Variants in ZMYND8 observed in about 807,000 individuals in gnomAD.
ZMYND8 encodes the protein zinc finger MYND-type containing 8.
ZMYND8 carries 37 observed loss-of-function variants against 140.8 expected under a neutral mutation model. The observed-to-expected ratio is 0.26, with a 90% CI of 0.20 to 0.35. The LOEUF (loss-of-function observed/expected upper bound fraction) is 0.35, where lower values mean the gene tolerates loss of function less well. Among genes scored for constraint, ZMYND8 ranks in the 10% least tolerant of loss-of-function variants. The probability of loss-of-function intolerance (pLI) is 1.00; values close to 1 mark genes in which losing one functional copy is unlikely to be tolerated. For missense variants in ZMYND8, 1,068 were observed against 1,570.0 expected, an observed-to-expected ratio of 0.68 and a Z score of 5.40; for synonymous variants, 592 against 597.1, an observed-to-expected ratio of 0.99 and a Z score of 0.12.
chr20:47,352,067 T>A, intron 1 of ZMYND8: 2 of 934,792 alleles, frequency 2.1e-6, no homozygotes, highest in Non-Finnish European at 2.6e-6. Flanking sequence ...ATTAGGTGGG[T>A]AGAAGGTTAG....
chr20:47,350,085 A>C, intron 1 of ZMYND8: 1 of 1,362,162 alleles, frequency 7.3e-7, no homozygotes, highest in Non-Finnish European at 9.5e-7. Context: ...AGGGAAAAAA[A>C]AGTTAAGCTG....
chr20:47,322,634 C>T (rs1390256810), intron 2 of ZMYND8, among the ~76,000 whole-genome samples: 2 of 151,880 alleles, frequency 1.3e-5, no homozygotes, highest in African/African-American at 4.8e-5. Context: ...TGGTCTCGAT[C>T]TCCTGACCTC....
intron 5 of ZMYND8, among the ~76,000 whole-genome samples, chr20:47,293,422 G>A (rs2077429820): frequency 6.6e-6 from 1 of 152,140 alleles, no homozygotes; most frequent in Non-Finnish European, 1.5e-5. Flanking sequence ...CACAGGTGAG[G>A]CACCACTGTG....
chr20:47,351,968 T>A, intron 1 of ZMYND8: 1 of 985,436 alleles, frequency 1.0e-6, no homozygotes, highest in African/African-American at 1.7e-5. Flanking sequence ...GGAGAGTTTG[T>A]GAAGTCACAG....
chr20:47,333,601 C>T (rs992204195), intron 2 of ZMYND8, among the ~76,000 whole-genome samples: 1 of 152,070 alleles, frequency 6.6e-6, no homozygotes, highest in Admixed American at 6.6e-5. Context: ...TGGCACATGC[C>T]TGTAGTCCCA....
At chr20:47,333,074 C>T (rs1391338552) in intron 2 of ZMYND8, among the ~76,000 whole-genome samples, 2 of 152,116 alleles carry the variant, frequency 1.3e-5, no homozygotes, top group Admixed American at 1.3e-4. Context: ...AGGTCACACA[C>T]AGTGGCTCAT....
chr20:47,346,095 C>T (rs940493211), intron 2 of ZMYND8, among the ~76,000 whole-genome samples: 1 of 152,120 alleles, frequency 6.6e-6, no homozygotes, highest in Non-Finnish European at 1.5e-5. Context: ...TTCACAAATA[C>T]AAAAATGAAG....
At chr20:47,303,085 T>C (rs540941460) in intron 3 of ZMYND8, among the ~76,000 whole-genome samples, 10 of 152,170 alleles carry the variant, frequency 6.6e-5, no homozygotes, top group African/African-American at 2.2e-4. Context: ...GTCAAAACTG[T>C]CCCTAGCTGA....
chr20:47,354,203 T>TGG (rs1295367501), intron 1 of ZMYND8: 1 of 152,202 alleles, frequency 6.6e-6, no homozygotes, highest in South Asian at 2.1e-4. Context: ...GGGAACTTGC[T>TGG]GGGGGCTGTA....
In ZMYND8 at chr20:47,224,375, A is replaced by G. The variant is rs1046925405; in HGVS notation, c.3198T>C (p.Cys1066=). 5 of 1,614,240 alleles carry G rather than the reference A, an allele frequency of 3.1e-6. No homozygotes were observed. The highest frequency in any genetic ancestry group is 4.2e-6 in the Non-Finnish European group (5 of 1,180,052). Residue 1066 remains cysteine (C), a synonymous_variant, in exon 19 of 23, where the codon TGT becomes TGC. Coordinates refer to ENST00000471951, the MANE Select transcript of ZMYND8 (RefSeq NM_001281775.3). The part of the protein sequence containing the change: ...IFYCCWNTSY[C]DYPCQQAHWP... ...AGTGGGCTTGCTGGCAGGGGTAGTCACAGTAGCTGGTGTTCCAACAGCAGT... is the reference window on the plus strand; with the variant it reads ...AGTGGGCTTGCTGGCAGGGGTAGTCGCAGTAGCTGGTGTTCCAACAGCAGT...
chr20:47,222,318 G>A (rs1045048777), intron 19 of ZMYND8, among the ~76,000 whole-genome samples: 22 of 152,000 alleles, frequency 1.4e-4, no homozygotes, highest in Admixed American at 6.6e-4. Context: ...GGCAGATCAC[G>A]AGGTCAGGAG....
intron 14 of ZMYND8, among the ~76,000 whole-genome samples, chr20:47,243,006 T>A (rs1190360321): frequency 6.6e-6 from 1 of 152,214 alleles, no homozygotes; most frequent in African/African-American, 2.4e-5. Flanking sequence ...AGCAAGGACT[T>A]TTTAAGAGAA....
intron 11 of ZMYND8, among the ~76,000 whole-genome samples, chr20:47,267,717 C>T (rs1158393531): frequency 2.0e-5 from 3 of 152,324 alleles, no homozygotes; most frequent in East Asian, 1.9e-4. Context: ...TAAAATCCAA[C>T]GTCCTCTCCA....
rs770820578 is a variant in ZMYND8, at chr20:47,227,288, G to A, written c.2938-7C>T. ...CGATCCTCAGCCTGCGAATCTGGAA[G>A]AGGGAGAGTGAGCGTCTTCAAAAGC... On this transcript the variant is annotated splice_polypyrimidine_tract_variant and splice_region_variant and intron_variant, in intron 17 of 22. Transcript: ENST00000471951. 2 of 1,614,130 alleles carry A rather than the reference G, an allele frequency of 1.2e-6. No individual in the cohort carries two copies. Among genetic ancestry groups the A allele is most frequent in the South Asian group, 2.2e-5 (2 of 91,088 alleles).
At position 47,349,682 on chromosome 20, in the gene ZMYND8, T is replaced by G. The variant is rs149506078; in HGVS notation, c.15-1756A>C. Among the ~76,000 whole-genome samples, 136 of 152,338 alleles carry G rather than the reference T, an allele frequency of 8.9e-4. 2 individuals are homozygous for G. Among genetic ancestry groups the G allele is most frequent in the African/African-American group, 2.8e-3 (118 of 41,584 alleles). ...ACTTCAAAGGAACAAATAGCAACCT[T>G]GATCTTTTCTAGCAACTAGAATTCT... On this transcript the variant is annotated intron_variant, in intron 1 of 22. Coordinates refer to ENST00000471951, the MANE Select transcript of ZMYND8 (RefSeq NM_001281775.3).
At chr20:47,234,756 A>C (rs112124019) in intron 16 of ZMYND8, among the ~76,000 whole-genome samples, 216 of 152,332 alleles carry the variant, frequency 1.4e-3, no homozygotes, top group South Asian at 6.8e-3. Flanking sequence ...AAATTCATAT[A>C]TATTTCTCTC....
At chr20:47,230,775 T>A (rs2038368222) in intron 16 of ZMYND8, among the ~76,000 whole-genome samples, 1 of 152,098 alleles carries the variant, frequency 6.6e-6, no homozygotes, top group Non-Finnish European at 1.5e-5. Context: ...ACCACAATCA[T>A]TTCACAACAT....
In ZMYND8 at chr20:47,282,723, CAAAAA is replaced by C. The variant is rs10665029; in HGVS notation, c.883-511_883-507del. The stretch of plus-strand genomic sequence containing the variant: ...AGGGCGACAGATCGAAACTCCATCT[CAAAAA>C]AAAAAAAACAAAAAAAAGAAAGATG... On this transcript the variant is annotated intron_variant, in intron 9 of 22. Transcript: ENST00000471951. Among the ~76,000 whole-genome samples, 5 of 118,824 alleles carry C rather than the reference CAAAAA, an allele frequency of 4.2e-5. 1 individual carries two copies. The Admixed American group carries it at 4.4e-4, about 10-fold the overall frequency. The allele number at this position is 118,824 out of a possible 152,430, so 78.0% of individuals were successfully genotyped here. A position where few individuals can be genotyped will look rare whatever the true frequency, so the allele number is the denominator to read the frequency against.
At chr20:47,337,416 T>C (rs373276618) in intron 2 of ZMYND8, among the ~76,000 whole-genome samples, 57 of 152,174 alleles carry the variant, frequency 3.7e-4, no homozygotes, top group African/African-American at 1.3e-3. Context: ...CCTGTAAACC[T>C]AGCACTTTGG....
Sources: allele counts gnomAD v4.1 joint callset (sites outside exome capture counted in the v4.1 genomes callset), GRCh38; gene constraint gnomAD v4.1.1; transcripts MANE v1.5; gene names NCBI Gene and HGNC (gene_info 2026-07-23, HGNC 2026-07-21).